The following HYAL4 variants were observed in gnomAD, a reference collection of about 807,000 sequenced individuals.
HYAL4 encodes the protein hyaluronidase-4.
A neutral mutation model predicts 35.2 loss-of-function variants in HYAL4; 37 were observed. The observed-to-expected ratio is 1.05, with a 90% confidence interval of 0.81 to 1.38. HYAL4 has a LOEUF of 1.38. Among genes scored for constraint, HYAL4 ranks in the 40% most tolerant of loss-of-function variants. The pLI is 0.00. For synonymous variants in HYAL4, 198 were observed against 203.2 expected (o/e 0.97, Z 0.22); for missense variants, 572 against 572.4 (o/e 1.00, Z 0.01).
At chr7:123,837,050 AAG>A (rs1369004635) in intron 1 of HYAL4, among the ~76,000 whole-genome samples, 4 of 152,076 alleles carry the variant, frequency 2.6e-5, no homozygotes, top group Non-Finnish European at 5.9e-5. Context: ...AAAAAAAAGA[AAG>A]AAAAAAAAGA....
intron 2 of HYAL4, among the ~76,000 whole-genome samples, chr7:123,866,789 C>CTTTTT (rs1009764748): frequency 2.2e-5 from 3 of 134,188 alleles, no homozygotes; most frequent in African/African-American, 5.7e-5. Context: ...CTTTCTCTCT[C>CTTTTT]TTTTTTTTTT....
the HYAL4 span, among the ~76,000 whole-genome samples, chr7:123,766,436 T>C: frequency 6.6e-6 from 1 of 152,134 alleles, no homozygotes; most frequent in Non-Finnish European, 1.5e-5. Context: ...TAAATGCTCA[T>C]TGAAACCCCC....
At chr7:123,768,842 CT>C in the HYAL4 span, among the ~76,000 whole-genome samples, 14 of 152,100 alleles carry the variant, frequency 9.2e-5, no homozygotes, top group South Asian at 2.9e-3. Flanking sequence ...CCATTGGTTA[CT>C]TTTTTTTGCT....
Position 123,859,068 on chromosome 7 carries a change from G to C in HYAL4, c.-51-9155G>C, listed in dbSNP as rs1028243441. Among the ~76,000 whole-genome samples, 5 of 152,146 alleles carry C rather than the reference G, an allele frequency of 3.3e-5. No individual in the cohort carries two copies. The East Asian group carries it at 7.7e-4, about 23-fold the overall frequency. On this transcript the variant is annotated intron_variant, in intron 2 of 4. Transcript: ENST00000223026. ...TCAGAAGTTAGTCTTCATCAAAAAGGTATGGGTGATGAAATAAAATGGAAT... is the reference window on the plus strand; with the variant it reads ...TCAGAAGTTAGTCTTCATCAAAAAGCTATGGGTGATGAAATAAAATGGAAT...
chr7:123,806,735 AGCCACCAC>A, the HYAL4 span, among the ~76,000 whole-genome samples: 29 of 151,772 alleles, frequency 1.9e-4, no homozygotes, highest in African/African-American at 6.8e-4. Flanking sequence ...TACAGGCATG[AGCCACCAC>A]GCCCGGCCCT....
At chr7:123,790,123 T>C in the HYAL4 span, among the ~76,000 whole-genome samples, 1 of 152,340 alleles carries the variant, frequency 6.6e-6, no homozygotes, top group East Asian at 1.9e-4. Context: ...TACTGATTAG[T>C]TGCCCACCCA....
chr7:123,842,863 C>G (rs976739511), upstream of HYAL4, among the ~76,000 whole-genome samples: 7 of 151,922 alleles, frequency 4.6e-5, no homozygotes, highest in Non-Finnish European at 1.0e-4. Flanking sequence ...AGATCCTCCT[C>G]TATCCCTTTA....
the HYAL4 span, among the ~76,000 whole-genome samples, chr7:123,778,159 G>GTCTGTCTGTCTA: frequency 1.4e-4 from 17 of 120,824 alleles, no homozygotes; most frequent in Non-Finnish European, 2.7e-4. Flanking sequence ...CTGTCTGTCT[G>GTCTGTCTGTCTA]TCTATCTATC....
the HYAL4 span, among the ~76,000 whole-genome samples, chr7:123,801,505 A>G: frequency 0.1 from 15,921 of 152,198 alleles, 891 homozygotes; most frequent in East Asian, 0.15. Context: ...GAAAAAGTAA[A>G]AATTGACTTA....
At chr7:123,766,778 T>C in the HYAL4 span, among the ~76,000 whole-genome samples, 1 of 152,308 alleles carries the variant, frequency 6.6e-6, no homozygotes, top group South Asian at 2.1e-4. Flanking sequence ...ATTTTTGTTT[T>C]CTGATGATAG....
upstream of HYAL4, among the ~76,000 whole-genome samples, chr7:123,841,422 TC>T (rs1411580959): frequency 2.0e-5 from 3 of 152,090 alleles, no homozygotes; most frequent in Non-Finnish European, 4.4e-5. Flanking sequence ...GCATCAATTT[TC>T]ATCAGGGATA....
At chr7:123,850,821 A>G (rs1292295703) in intron 2 of HYAL4, among the ~76,000 whole-genome samples, 6 of 152,216 alleles carry the variant, frequency 3.9e-5, no homozygotes, top group Admixed American at 3.9e-4. Context: ...AGAGAATTCC[A>G]GAACGACCTT....
chr7:123,808,655 T>A, the HYAL4 span, among the ~76,000 whole-genome samples: 1 of 152,158 alleles, frequency 6.6e-6, no homozygotes, highest in East Asian at 1.9e-4. Flanking sequence ...CACTACAGAA[T>A]GTCTAAGATA....
intron 2 of HYAL4, among the ~76,000 whole-genome samples, chr7:123,867,427 G>A (rs1238182192): frequency 6.6e-6 from 1 of 152,154 alleles, no homozygotes; most frequent in South Asian, 2.1e-4. Flanking sequence ...TCATTGTTTA[G>A]ATGTGATAAT....
chr7:123,798,371 T>G, the HYAL4 span, among the ~76,000 whole-genome samples: 1 of 152,122 alleles, frequency 6.6e-6, no homozygotes, highest in South Asian at 2.1e-4. Flanking sequence ...CTTCATCCCA[T>G]AAACACTGCT....
At chr7:123,770,716 AAGT>A in the HYAL4 span, among the ~76,000 whole-genome samples, 1 of 152,116 alleles carries the variant, frequency 6.6e-6, no homozygotes, top group Admixed American at 6.5e-5. Flanking sequence ...AGACAATAGG[AAGT>A]AGTAGAGATT....
upstream of HYAL4, among the ~76,000 whole-genome samples, chr7:123,843,797 A>ATCTTGTGCATCCGTCATGAAGT (rs1390681049): frequency 5.9e-5 from 9 of 151,854 alleles, no homozygotes; most frequent in South Asian, 6.2e-4. Flanking sequence ...TGGCTATTGA[A>ATCTTGTGCATCCGTCATGAAGT]TCTTGTGCAT....
intron 3 of HYAL4, among the ~76,000 whole-genome samples, chr7:123,870,896 T>C (rs1162935876): frequency 6.6e-6 from 1 of 152,196 alleles, no homozygotes; most frequent in African/African-American, 2.4e-5. Context: ...TTCCTTTCTT[T>C]AGTGATAATA....
the HYAL4 span, among the ~76,000 whole-genome samples, chr7:123,812,893 A>G: frequency 6.6e-6 from 1 of 152,206 alleles, no homozygotes; most frequent in East Asian, 1.9e-4. Flanking sequence ...CATCTCTGAT[A>G]GCTTAGAGAT....
Sources: allele counts gnomAD v4.1 joint callset (sites outside exome capture counted in the v4.1 genomes callset), GRCh38; gene constraint gnomAD v4.1.1; transcripts MANE v1.5; gene names NCBI Gene and HGNC (gene_info 2026-07-23, HGNC 2026-07-21).